The following CNTNAP5 variants were observed in gnomAD, a reference collection of about 807,000 sequenced individuals.
CNTNAP5 encodes contactin-associated protein-like 5.
In CNTNAP5, 72 loss-of-function variants were observed where a neutral mutation model predicts 150.2. The ratio of observed to expected loss-of-function variants is 0.48; its 90% CI spans 0.40 to 0.58. The LOEUF (loss-of-function observed/expected upper bound fraction) is 0.58, where lower values mean the gene tolerates loss of function less well. Among genes scored for constraint, CNTNAP5 ranks in the 20% least tolerant of loss-of-function variants. The probability of loss-of-function intolerance (pLI) is 0.00; values close to 1 mark genes in which losing one functional copy is unlikely to be tolerated. For missense variants in CNTNAP5, 1,636 were observed against 1,626.2 expected (o/e 1.01, Z -0.10); for synonymous variants, 672 against 619.8 (o/e 1.08, Z -1.25).
At chr2:124,510,987 C>T (rs968043623) in intron 8 of CNTNAP5, among the ~76,000 whole-genome samples, 1 of 152,166 alleles carries the variant, frequency 6.6e-6, no homozygotes, top group Non-Finnish European at 1.5e-5. Flanking sequence ...CCATGGGGAC[C>T]TCTCACATGG....
chr2:124,898,159 T>C (rs1678345401), intron 21 of CNTNAP5, among the ~76,000 whole-genome samples: 1 of 151,446 alleles, frequency 6.6e-6, no homozygotes, highest in Non-Finnish European at 1.5e-5. Flanking sequence ...TCCATTAACA[T>C]TGATTCTGCT....
chr2:124,446,096 G>A (rs1225802059), intron 5 of CNTNAP5, among the ~76,000 whole-genome samples: 12 of 152,050 alleles, frequency 7.9e-5, no homozygotes, highest in Admixed American at 7.9e-4. Context: ...CATAGCTGTG[G>A]TCAAAGTAAA....
At chr2:124,406,804 A>G (rs185690486) in intron 3 of CNTNAP5, among the ~76,000 whole-genome samples, 29 of 152,308 alleles carry the variant, frequency 1.9e-4, no homozygotes, top group African/African-American at 6.5e-4. Flanking sequence ...TATTTCTTCT[A>G]TCTAACTACA....
intron 1 of CNTNAP5, among the ~76,000 whole-genome samples, chr2:124,161,595 T>C (rs893073856): frequency 2.6e-5 from 4 of 152,330 alleles, no homozygotes; most frequent in South Asian, 2.1e-4. Flanking sequence ...TACACTGATA[T>C]ATTACTTACT....
intron 19 of CNTNAP5, among the ~76,000 whole-genome samples, chr2:124,823,878 G>A (rs1205106440): frequency 1.3e-5 from 2 of 151,662 alleles, no homozygotes; most frequent in Non-Finnish European, 2.9e-5. Flanking sequence ...GTTGCTAACT[G>A]CAACATAGGG....
intron 11 of CNTNAP5, among the ~76,000 whole-genome samples, chr2:124,568,379 A>T (rs13402377): frequency 0.016 from 2,477 of 152,310 alleles, 63 homozygotes; most frequent in African/African-American, 0.056. Flanking sequence ...TAGTAGACAT[A>T]CATGTGCTGT....
chr2:124,435,803 C>A (rs1692517337), intron 5 of CNTNAP5, among the ~76,000 whole-genome samples: 2 of 152,132 alleles, frequency 1.3e-5, no homozygotes, highest in Admixed American at 6.6e-5. Flanking sequence ...TTCTGAGGAT[C>A]TTCTTGGAGC....
intron 1 of CNTNAP5, among the ~76,000 whole-genome samples, chr2:124,203,167 T>A (rs148047509): frequency 5.9e-4 from 89 of 152,110 alleles, no homozygotes; most frequent in African/African-American, 2.0e-3. Context: ...AACGAAGGGG[T>A]TACAGGCCCC....
intron 1 of CNTNAP5, among the ~76,000 whole-genome samples, chr2:124,090,607 T>C (rs1682791201): frequency 6.6e-6 from 1 of 152,166 alleles, no homozygotes; most frequent in Non-Finnish European, 1.5e-5. Flanking sequence ...GAAGTAATGA[T>C]AAATAATATA....
At chr2:124,402,002 T>G (rs960994184) in intron 3 of CNTNAP5, among the ~76,000 whole-genome samples, 2 of 152,124 alleles carry the variant, frequency 1.3e-5, no homozygotes, top group African/African-American at 2.4e-5. Flanking sequence ...ATCCCCTCAC[T>G]AAGAATAAAA....
chr2:124,462,040 C>CA (rs1693268856), intron 6 of CNTNAP5, among the ~76,000 whole-genome samples: 1 of 151,788 alleles, frequency 6.6e-6, no homozygotes, highest in South Asian at 2.1e-4. Flanking sequence ...TTTAACCACC[C>CA]AAAACAGCCC....
At chr2:124,838,617 A>T (rs574158390) in intron 19 of CNTNAP5, among the ~76,000 whole-genome samples, 2 of 152,272 alleles carry the variant, frequency 1.3e-5, no homozygotes, top group African/African-American at 4.8e-5. Context: ...GCTGCGAATC[A>T]AATAGGGTCA....
intron 3 of CNTNAP5, among the ~76,000 whole-genome samples, chr2:124,334,044 G>C (rs1689413124): frequency 6.6e-6 from 1 of 152,070 alleles, no homozygotes; most frequent in African/African-American, 2.4e-5. Context: ...ACAGCTGACT[G>C]TAAAACAGTG....
At chr2:124,438,267 T>A (rs982591292) in intron 5 of CNTNAP5, among the ~76,000 whole-genome samples, 1 of 152,188 alleles carries the variant, frequency 6.6e-6, no homozygotes, top group Admixed American at 6.5e-5. Context: ...GGGTTAGATA[T>A]GTTTCCTTTC....
At chr2:124,739,005 T>C (rs1558757107) in intron 13 of CNTNAP5, among the ~76,000 whole-genome samples, 2 of 152,198 alleles carry the variant, frequency 1.3e-5, no homozygotes, top group Non-Finnish European at 2.9e-5. Flanking sequence ...TTAATCACGT[T>C]GTCCATCTCT....
Position 124,798,176 on chromosome 2 carries a change from C to T in CNTNAP5, c.3073C>T (p.Leu1025Phe), listed in dbSNP as rs1444519003. ...EPYPVTKNISLSSSAIYTDSA... is the reference protein window; with the variant it reads ...EPYPVTKNISFSSSAIYTDSA... ...CTATCCTGTGACCAAGAATATAAGC[C>T]TCTCATCCTCAGCTATTTACACAGA... is the stretch of plus-strand genomic sequence containing the variant. The change falls in exon 19 of 24, where the codon CTC (leucine) becomes TTC (phenylalanine). Residue 1025 changes from leucine (L) to phenylalanine (F), a missense_variant. Transcript: ENST00000682447. The T allele has an allele frequency of 6.2e-7, 1 of 1,611,076 alleles. No individual in the cohort carries two copies. Among genetic ancestry groups the T allele is most frequent in the Non-Finnish European group, 8.5e-7 (1 of 1,177,436 alleles).
intron 4 of CNTNAP5, among the ~76,000 whole-genome samples, chr2:124,422,578 A>C (rs1326002325): frequency 6.6e-6 from 1 of 152,200 alleles, no homozygotes; most frequent in Non-Finnish European, 1.5e-5. Context: ...AACATTGCCA[A>C]ATGTTGGAAT....
At chr2:124,464,237 A>G (rs1693322099) in intron 6 of CNTNAP5, among the ~76,000 whole-genome samples, 1 of 152,032 alleles carries the variant, frequency 6.6e-6, no homozygotes, top group African/African-American at 2.4e-5. Context: ...GAAGCAAGGG[A>G]GCGCAGGCAC....
intron 3 of CNTNAP5, among the ~76,000 whole-genome samples, chr2:124,267,668 G>A (rs947870884): frequency 1.1e-4 from 16 of 152,134 alleles, no homozygotes; most frequent in African/African-American, 3.9e-4. Flanking sequence ...CTAGGAGAAT[G>A]ACTTGCATTG....
Sources: allele counts gnomAD v4.1 joint callset (sites outside exome capture counted in the v4.1 genomes callset), GRCh38; gene constraint gnomAD v4.1.1; transcripts MANE v1.5; gene names NCBI Gene and HGNC (gene_info 2026-07-23, HGNC 2026-07-21).